GLIS1: variants seen among roughly 807,000 people sequenced by gnomAD.
The protein encoded by GLIS1 is GLIS family zinc finger 1.
A neutral mutation model predicts 63.8 loss-of-function variants in GLIS1; 24 were observed. The ratio of observed to expected loss-of-function variants is 0.38; its 90% confidence interval spans 0.27 to 0.53. GLIS1 has a LOEUF of 0.53. Among genes scored for constraint, GLIS1 ranks in the 20% least tolerant of loss-of-function variants. The pLI is 0.85. For missense variants in GLIS1, 1,036 were observed against 1,074.1 expected, an observed-to-expected ratio of 0.96 and a Z score of 0.50; for synonymous variants, 450 against 482.5, an observed-to-expected ratio of 0.93 and a Z score of 0.88.
rs185806952 is a variant in GLIS1 at position 53,646,494 on chromosome 1, T to C, written c.260-46216A>G. 6.6e-6 allele frequency among the ~76,000 whole-genome samples: 1 copy of C among 152,238 alleles called. No individual in the cohort carries two copies. The highest frequency in any genetic ancestry group is 2.4e-5 in the African/African-American group (1 of 41,544). ...ACATACGGATAAATCTAACACAAGA[T>C]ATACAAGACCTCAACAAAGAAAATT... On this transcript the variant is annotated intron_variant, in intron 2 of 10. Transcript: ENST00000628545. The surrounding 1 kb of genome is among the most constrained non-coding windows in gnomAD (Gnocchi z 4.2).
chr1:53,694,608 G>A (rs1021838919), intron 2 of GLIS1, among the ~76,000 whole-genome samples: 2 of 152,190 alleles, frequency 1.3e-5, no homozygotes, highest in East Asian at 1.9e-4. Context: ...AGACACCGCT[G>A]GGGTCCCAGC....
At chr1:53,601,126 A>G (rs1173656956) in intron 2 of GLIS1, among the ~76,000 whole-genome samples, 2 of 152,214 alleles carry the variant, frequency 1.3e-5, no homozygotes, top group Non-Finnish European at 2.9e-5. Context: ...AGGAAAGGAC[A>G]TGAATTTTGG....
rs997401513 is a variant in GLIS1 at position 53,594,190 on chromosome 1, C to T, written c.1238G>A (p.Arg413His). 2.5e-6 allele frequency: 4 copies of T among 1,613,974 alleles called. No homozygotes were observed. Among genetic ancestry groups the T allele is most frequent in the Non-Finnish European group, 3.4e-6 (4 of 1,179,966 alleles). Residue 413 changes from arginine (R) to histidine (H), a missense_variant, in exon 4 of 11, where the codon CGC (arginine) becomes CAC (histidine). By Grantham distance (29) the Arg-to-His change is conservative. Transcript: ENST00000628545. ...DFTCFWAGCV[R>H]RYKPFNARYK... ...GCGGGCGTTGAAGGGCTTGTAGCGG[C>T]GCACGCAGCCAGCCCAGAAGCAGGT...
intron 2 of GLIS1, among the ~76,000 whole-genome samples, chr1:53,637,215 C>G (rs1433768173): frequency 1.7e-5 from 2 of 118,866 alleles, no homozygotes; most frequent in Non-Finnish European, 2.1e-5. Context: ...GCCAGAGCCC[C>G]ACAGGGGTCT....
chr1:53,568,116 T>C (rs1270451568), intron 4 of GLIS1, among the ~76,000 whole-genome samples: 1 of 152,222 alleles, frequency 6.6e-6, no homozygotes, highest in African/African-American at 2.4e-5. Flanking sequence ...GCGGGGGCTG[T>C]ACTCTGCAGA....
chr1:53,708,570 C>T (rs531299892), intron 2 of GLIS1, among the ~76,000 whole-genome samples: 35 of 152,202 alleles, frequency 2.3e-4, no homozygotes, highest in Non-Finnish European at 4.0e-4. Flanking sequence ...TGAGTGTGCA[C>T]GGGACTGGTG....
chr1:53,515,842 A>G (rs1045421619), intron 7 of GLIS1, among the ~76,000 whole-genome samples: 7 of 147,236 alleles, frequency 4.8e-5, no homozygotes, highest in Admixed American at 1.3e-4. Flanking sequence ...AAAAAAAAAA[A>G]GAATGCACCT....
intron 2 of GLIS1, among the ~76,000 whole-genome samples, chr1:53,672,078 C>T (rs1646158271): frequency 6.6e-6 from 1 of 152,198 alleles, no homozygotes; most frequent in Non-Finnish European, 1.5e-5. Flanking sequence ...GGTAGGAGGG[C>T]CAAGGCCAAC....
intron 2 of GLIS1, among the ~76,000 whole-genome samples, chr1:53,729,926 A>G (rs1035353074): frequency 4.6e-5 from 7 of 152,258 alleles, no homozygotes; most frequent in African/African-American, 1.7e-4. Flanking sequence ...TAAAATGCAA[A>G]GGCAGTCTTG....
At chr1:53,580,690 T>C (rs1297343219) in intron 4 of GLIS1, among the ~76,000 whole-genome samples, 1 of 152,002 alleles carries the variant, frequency 6.6e-6, no homozygotes, top group Admixed American at 6.6e-5. Context: ...CAAGATCCAC[T>C]GAGAAAACAT....
intron 2 of GLIS1, among the ~76,000 whole-genome samples, chr1:53,632,567 CTGAG>C (rs1477056287): frequency 6.5e-5 from 9 of 138,880 alleles, no homozygotes; most frequent in African/African-American, 2.5e-4. Flanking sequence ...ATGAGTGTGA[CTGAG>C]GGGCATGTGA....
chr1:53,616,403 A>G (rs1460924936), intron 2 of GLIS1, among the ~76,000 whole-genome samples: 1 of 152,216 alleles, frequency 6.6e-6, no homozygotes, highest in Non-Finnish European at 1.5e-5. Flanking sequence ...TCAGGTATAT[A>G]TTTATTACTT....
Position 53,594,515 on chromosome 1 carries a change from G to A in GLIS1, c.913C>T (p.His305Tyr), listed in dbSNP as rs143079790. The A allele has an allele frequency of 2.7e-5, 43 of 1,612,738 alleles. No individual in the cohort carries two copies. Among genetic ancestry groups the A allele is most frequent in the East Asian group, 2.5e-4 (11 of 44,874 alleles). ...ARPGPASTDS[H>Y]EGSLQLEACR... ...GCTTCAAGTTGCAAGCTGCCCTCATGGCTGTCCGTCGATGCAGGGCCAGGC... is the reference window on the plus strand; with the variant it reads ...GCTTCAAGTTGCAAGCTGCCCTCATAGCTGTCCGTCGATGCAGGGCCAGGC... The change falls in exon 4 of 11, where the codon CAT becomes TAT. Residue 305 changes from histidine (H) to tyrosine (Y), a missense_variant. Physicochemically the swap from His to Tyr is moderately conservative, Grantham distance 83 (BLOSUM62 2). This residue lies in a region of GLIS1 where 592 missense variants were observed against 593.9 expected (regional missense o/e 1.00). Coordinates refer to ENST00000628545, the MANE Select transcript of GLIS1 (RefSeq NM_001367484.1).
chr1:53,719,613 C>T (rs1338073378), intron 2 of GLIS1, among the ~76,000 whole-genome samples: 1 of 152,086 alleles, frequency 6.6e-6, no homozygotes, highest in Non-Finnish European at 1.5e-5. Context: ...TGGTGCACCA[C>T]TTTACCCAAA....
intron 4 of GLIS1, among the ~76,000 whole-genome samples, chr1:53,564,988 G>C (rs1338844807): frequency 6.6e-6 from 1 of 151,890 alleles, no homozygotes; most frequent in African/African-American, 2.4e-5. Context: ...TTTTTCTCAA[G>C]TACATATGCA....
At position 53,529,812 on chromosome 1, in the gene GLIS1, G is replaced by A. The variant is rs374832404; in HGVS notation, c.1461C>T (p.His487=). Residue 487 remains histidine, a synonymous_variant, in exon 5 of 11, where the codon CAC becomes CAT. Transcript: ENST00000628545. Reference sequence around the variant, plus strand: ...CTACCGTGTCTAGGTGGGTGCGCTGGTGCTTGGCGCGGTCGCTGGAGTTGC... The same window carrying A: ...CTACCGTGTCTAGGTGGGTGCGCTGATGCTTGGCGCGGTCGCTGGAGTTGC... ...AFSNSSDRAK[H]QRTHLDTKPY... is the part of the protein sequence containing the mutation. 1.9e-5 allele frequency: 30 copies of A among 1,612,766 alleles called. No homozygotes were observed. In the African/African-American group the frequency reaches 2.1e-4, roughly 11 times the overall value.
chr1:53,562,821 C>T (rs1488660649), intron 4 of GLIS1, among the ~76,000 whole-genome samples: 3 of 152,282 alleles, frequency 2.0e-5, no homozygotes, highest in Non-Finnish European at 1.5e-5. Flanking sequence ...GCATGCAAAG[C>T]ACTCAGCACC....
intron 2 of GLIS1, among the ~76,000 whole-genome samples, chr1:53,727,155 C>T (rs540455831): frequency 1.3e-5 from 2 of 152,250 alleles, no homozygotes; most frequent in African/African-American, 2.4e-5. Flanking sequence ...ACTCTAAAAG[C>T]CATGTGGCCG....
intron 2 of GLIS1, among the ~76,000 whole-genome samples, chr1:53,712,076 T>A (rs1392736663): frequency 6.6e-6 from 1 of 152,204 alleles, no homozygotes; most frequent in Non-Finnish European, 1.5e-5. Context: ...TTCTGGCCAC[T>A]TTCAGCCACT....
Sources: allele counts gnomAD v4.1 joint callset (sites outside exome capture counted in the v4.1 genomes callset), GRCh38; gene constraint gnomAD v4.1.1; regional missense constraint gnomAD v4.1.1; non-coding constraint Gnocchi (gnomAD v3.1); transcripts MANE v1.5; gene names NCBI Gene and HGNC (gene_info 2026-07-23, HGNC 2026-07-21).